The following GSG1L variants were observed in gnomAD, a reference collection of about 807,000 sequenced individuals.
GSG1L encodes the protein GSG1 like, also known as germ cell-specific gene 1-like protein.
Under a neutral mutation model 42.1 loss-of-function variants are expected in GSG1L, and 24 were observed. The ratio of observed to expected loss-of-function variants is 0.57; its 90% CI spans 0.41 to 0.80. The LOEUF (loss-of-function observed/expected upper bound fraction) is 0.80, where lower values mean the gene tolerates loss of function less well. Among genes scored for constraint, GSG1L ranks in the 30% least tolerant of loss-of-function variants. The pLI, the probability that GSG1L is intolerant of heterozygous loss-of-function variation, is 0.00. For missense variants in GSG1L, 445 were observed against 472.2 expected (o/e 0.94, Z 0.53); for synonymous variants, 215 against 203.5 (o/e 1.06, Z -0.48).
intron 1 of GSG1L, among the ~76,000 whole-genome samples, chr16:27,976,697 C>T (rs2085254698): frequency 6.6e-6 from 1 of 152,200 alleles, no homozygotes; most frequent in African/African-American, 2.4e-5. Flanking sequence ...TCACCTTAGC[C>T]ATCACGTCTG....
At chr16:28,055,138 T>G (rs2086265524) in intron 1 of GSG1L, among the ~76,000 whole-genome samples, 1 of 152,144 alleles carries the variant, frequency 6.6e-6, no homozygotes, top group East Asian at 1.9e-4. Context: ...TCACCTTTGC[T>G]GCAGCATTAT....
intron 1 of GSG1L, among the ~76,000 whole-genome samples, chr16:28,055,946 A>G (rs1439612198): frequency 1.3e-5 from 2 of 152,084 alleles, no homozygotes; most frequent in Non-Finnish European, 2.9e-5. Flanking sequence ...AGCTCCCCAC[A>G]GGATCCCACT....
chr16:27,876,723 T>C (rs1323342477), intron 3 of GSG1L, among the ~76,000 whole-genome samples: 1 of 152,180 alleles, frequency 6.6e-6, no homozygotes, highest in Non-Finnish European at 1.5e-5. Flanking sequence ...CCCAAACTCC[T>C]GTCCAAAACA....
chr16:27,897,322 A>G (rs541821222), intron 2 of GSG1L, among the ~76,000 whole-genome samples: 17 of 152,162 alleles, frequency 1.1e-4, no homozygotes, highest in African/African-American at 3.6e-4. Context: ...TTTTTGAGAC[A>G]GGGTCTCGTG....
chr16:27,980,907 A>C lies in GSG1L; in HGVS notation c.350-17704T>G, dbSNP rs190915620. Reference sequence around the variant, plus strand: ...AAAACCAAAAACCAAAAAACAAAAAAAAAAAAAAAAGAAAGAAAGAAAAAA... The same window carrying C: ...AAAACCAAAAACCAAAAAACAAAAACAAAAAAAAAAGAAAGAAAGAAAAAA... On this transcript the variant is annotated intron_variant, in intron 1 of 6. Transcript: ENST00000447459. 7.5e-3 allele frequency among the ~76,000 whole-genome samples: 1,143 copies of C among 151,462 alleles called. 14 individuals carry two copies. The highest frequency in any genetic ancestry group is 0.01 in the Non-Finnish European group (697 of 67,828).
intron 3 of GSG1L, among the ~76,000 whole-genome samples, chr16:27,866,547 C>A (rs2083728075): frequency 6.6e-6 from 1 of 152,166 alleles, no homozygotes; most frequent in Non-Finnish European, 1.5e-5. Flanking sequence ...CACCCCTACC[C>A]AAATGCAGGC....
At chr16:27,798,533 C>T (rs888647364) in intron 6 of GSG1L, among the ~76,000 whole-genome samples, 3 of 152,082 alleles carry the variant, frequency 2.0e-5, no homozygotes, top group African/African-American at 7.2e-5. Flanking sequence ...ACGGGTATGG[C>T]CTGAAAGCAG....
intron 2 of GSG1L, among the ~76,000 whole-genome samples, chr16:27,949,074 T>C (rs944666430): frequency 6.6e-6 from 1 of 151,730 alleles, no homozygotes; most frequent in African/African-American, 2.4e-5. Context: ...CGTGCCACCA[T>C]GCGCAGCTAA....
chr16:27,975,112 G>C (rs1219064975), intron 1 of GSG1L, among the ~76,000 whole-genome samples: 2 of 152,286 alleles, frequency 1.3e-5, no homozygotes, highest in South Asian at 2.1e-4. Flanking sequence ...CATGTTCCCA[G>C]AGGATGCTGA....
intron 2 of GSG1L, among the ~76,000 whole-genome samples, chr16:27,955,066 C>T (rs866742180): frequency 1.4e-4 from 22 of 152,200 alleles, no homozygotes; most frequent in African/African-American, 5.3e-4. Flanking sequence ...ATAGTAAGTT[C>T]GCACCTCACT....
intron 1 of GSG1L, among the ~76,000 whole-genome samples, chr16:28,004,108 A>G (rs1200346582): frequency 6.6e-6 from 1 of 152,140 alleles, no homozygotes; most frequent in Non-Finnish European, 1.5e-5. Context: ...TGGAGGGGGC[A>G]GGAGAGAGCC....
rs143992983 is a variant in GSG1L, at chr16:27,969,108, C to A, written c.350-5905G>T. Among the ~76,000 whole-genome samples the A allele has an allele frequency of 7.0e-3, 1,068 of 151,940 alleles. 10 individuals carry two copies. Among genetic ancestry groups the A allele is most frequent in the African/African-American group, 0.025 (1,021 of 41,428 alleles). On this transcript the variant is annotated intron_variant, in intron 1 of 6. Coordinates refer to ENST00000447459, the MANE Select transcript of GSG1L (RefSeq NM_001109763.2). ...TGGGCGACAGAGTGAGACTCAGTCT[C>A]AAAATAAATAAATAATATAAATAAA... is the stretch of plus-strand genomic sequence containing the variant.
intron 1 of GSG1L, among the ~76,000 whole-genome samples, chr16:27,983,510 C>A (rs1320971342): frequency 6.6e-6 from 1 of 152,172 alleles, no homozygotes; most frequent in African/African-American, 2.4e-5. Flanking sequence ...GACTCAGTTT[C>A]AGGGAAGCTT....
intron 2 of GSG1L, among the ~76,000 whole-genome samples, chr16:27,907,311 G>T (rs145423715): frequency 6.6e-6 from 1 of 152,208 alleles, no homozygotes; most frequent in Non-Finnish European, 1.5e-5. Flanking sequence ...GGATCCAGCT[G>T]TGCCTGACTG....
At chr16:27,810,454 A>G (rs2083018691) in intron 5 of GSG1L, among the ~76,000 whole-genome samples, 1 of 152,162 alleles carries the variant, frequency 6.6e-6, no homozygotes, top group Non-Finnish European at 1.5e-5. Flanking sequence ...TGGGTAACAG[A>G]GTGATACCCT....
chr16:27,999,981 G>A (rs2085564656), intron 1 of GSG1L, among the ~76,000 whole-genome samples: 1 of 152,206 alleles, frequency 6.6e-6, no homozygotes, highest in African/African-American at 2.4e-5. Context: ...CTACTGATAA[G>A]CATAGAGTCA....
At chr16:27,981,119 C>A (rs1026500089) in intron 1 of GSG1L, among the ~76,000 whole-genome samples, 2 of 152,102 alleles carry the variant, frequency 1.3e-5, no homozygotes, top group Non-Finnish European at 2.9e-5. Flanking sequence ...GTCCCACACA[C>A]CCTCCAGAGA....
Position 28,050,087 on chromosome 16 carries a change from TGATG to T in GSG1L, c.349+12985_349+12988del, listed in dbSNP as rs1264420874. Among the ~76,000 whole-genome samples, 24 of 151,846 alleles carry T rather than the reference TGATG, an allele frequency of 1.6e-4. 1 individual carries two copies. In the South Asian group the frequency reaches 4.4e-3, roughly 28 times the overall value. On this transcript the variant is annotated intron_variant, in intron 1 of 6. Transcript: ENST00000447459. ...GGACAGAATAGGTGTTTAATAGATG[TGATG>T]AATGAATGAATGAATGAATGAATAC...
At chr16:28,021,331 C>T (rs2085840557) in intron 1 of GSG1L, among the ~76,000 whole-genome samples, 1 of 152,212 alleles carries the variant, frequency 6.6e-6, no homozygotes, top group South Asian at 2.1e-4. Context: ...AAATCATTTG[C>T]CCAAGGTCAC....
Sources: allele counts gnomAD v4.1 joint callset (sites outside exome capture counted in the v4.1 genomes callset), GRCh38; gene constraint gnomAD v4.1.1; transcripts MANE v1.5; gene names NCBI Gene and HGNC (gene_info 2026-07-23, HGNC 2026-07-21).